APBA1: variants seen among roughly 807,000 people sequenced by gnomAD.
APBA1 encodes the protein amyloid-beta A4 precursor protein-binding family A member 1.
APBA1 carries 55 observed loss-of-function variants against 86.6 expected under a neutral mutation model. The observed-to-expected ratio is 0.64, with a 90% CI of 0.51 to 0.80. The LOEUF (loss-of-function observed/expected upper bound fraction) is 0.80. Ranked by LOEUF, APBA1 falls within the 30% of genes least tolerant of loss-of-function variation. The pLI is 0.00. For missense variants in APBA1, 1,090 were observed against 1,183.0 expected, an observed-to-expected ratio of 0.92 and a Z score of 1.15; for synonymous variants, 511 against 493.9, an observed-to-expected ratio of 1.03 and a Z score of -0.46.
rs576542775 is a variant in APBA1, at chr9:69,466,798, G to A, written c.1482+1025C>T. On this transcript the variant is annotated intron_variant, in intron 5 of 12. Transcript: ENST00000265381. ...TCCACGTTACCACACAAACACCAGG[G>A]TGCAACCTGGGAGTGTGTGAGAGAG... is the stretch of plus-strand genomic sequence containing the variant. Among the ~76,000 whole-genome samples the A allele has an allele frequency of 2.0e-5, 3 of 152,348 alleles. No individual in the cohort carries two copies. In the South Asian group the frequency reaches 6.2e-4, roughly 32 times the overall value.
chr9:69,456,181 C>A, intron 8 of APBA1, 66 bp downstream of exon 8: 1 of 1,539,386 alleles, frequency 6.5e-7, no homozygotes, highest in Non-Finnish European at 9.0e-7. Flanking sequence ...ATGAATTAGA[C>A]TGAATCAGGT....
chr9:69,541,900 A>G (rs1435127892), intron 1 of APBA1, among the ~76,000 whole-genome samples: 1 of 152,084 alleles, frequency 6.6e-6, no homozygotes, highest in African/African-American at 2.4e-5. Context: ...GTTATTTTTA[A>G]TTTTCTTTTT....
chr9:69,538,504 A>T (rs1384263551), intron 1 of APBA1, among the ~76,000 whole-genome samples: 1 of 152,158 alleles, frequency 6.6e-6, no homozygotes, highest in East Asian at 1.9e-4. Flanking sequence ...GGAGATGAGA[A>T]CTCAAGTGGC....
At chr9:69,506,211 GCAC>G (rs1223841849) in intron 2 of APBA1, among the ~76,000 whole-genome samples, 5 of 151,786 alleles carry the variant, frequency 3.3e-5, no homozygotes, top group Non-Finnish European at 7.4e-5. Flanking sequence ...GTGGGTGCGC[GCAC>G]CGTGCGCGAG....
chr9:69,630,904 C>A (rs1359245850), intron 1 of APBA1, among the ~76,000 whole-genome samples: 1 of 152,226 alleles, frequency 6.6e-6, no homozygotes, highest in African/African-American at 2.4e-5. Flanking sequence ...GGGGACACTA[C>A]AGTCAGTAAA....
intron 1 of APBA1, among the ~76,000 whole-genome samples, chr9:69,588,350 C>T (rs1199488675): frequency 6.6e-6 from 1 of 150,404 alleles, no homozygotes; most frequent in South Asian, 2.1e-4. Context: ...GTGCCTTGGA[C>T]CAGAGTGGTA....
chr9:69,632,346 CA>C (rs1823065820), intron 1 of APBA1, among the ~76,000 whole-genome samples: 1 of 152,110 alleles, frequency 6.6e-6, no homozygotes, highest in Admixed American at 6.6e-5. Flanking sequence ...TTCCCTCCCC[CA>C]AAGGTGTCTT....
At chr9:69,444,087 T>TC (rs1330120135) in intron 10 of APBA1, among the ~76,000 whole-genome samples, 1 of 151,888 alleles carries the variant, frequency 6.6e-6, no homozygotes, top group African/African-American at 2.4e-5. Flanking sequence ...CAGCATCTGC[T>TC]CCCCCCGTGC....
chr9:69,608,750 C>T (rs1822524951), intron 1 of APBA1, among the ~76,000 whole-genome samples: 1 of 152,170 alleles, frequency 6.6e-6, no homozygotes, highest in Non-Finnish European at 1.5e-5. Context: ...GGCACCCATA[C>T]TGAGAAGTTG....
chr9:69,622,597 A>G (rs1438523557), intron 1 of APBA1, among the ~76,000 whole-genome samples: 3 of 151,836 alleles, frequency 2.0e-5, no homozygotes, highest in Non-Finnish European at 4.4e-5. Flanking sequence ...AAAAAGAAAC[A>G]AAGAAAGAAA....
intron 2 of APBA1, among the ~76,000 whole-genome samples, chr9:69,483,313 G>T (rs1835553313): frequency 6.6e-6 from 1 of 152,030 alleles, no homozygotes; most frequent in African/African-American, 2.4e-5. Flanking sequence ...GCGTGGGGAG[G>T]TAAGTCCTGA....
At chr9:69,506,116 CAGA>C (rs1264061138) in intron 2 of APBA1, among the ~76,000 whole-genome samples, 17 of 152,000 alleles carry the variant, frequency 1.1e-4, no homozygotes, top group African/African-American at 2.7e-4. Flanking sequence ...GAGAGCGACA[CAGA>C]AGAAGACGGG....
rs575257828 is a variant in APBA1 at position 69,613,463 on chromosome 9, C to G, written c.-70+58690G>C. Among the ~76,000 whole-genome samples the G allele has an allele frequency of 2.0e-5, 3 of 152,194 alleles. No individual in the cohort carries two copies. The East Asian group carries it at 5.8e-4, about 29-fold the overall frequency. On this transcript the variant is annotated intron_variant, in intron 1 of 12. Transcript: ENST00000265381. ...CTCTTGAAGCTTTTCAGGTTCTTGTCTCGGAAGTTCCACTTTTGCTGTATC... is the reference window on the plus strand; with the variant it reads ...CTCTTGAAGCTTTTCAGGTTCTTGTGTCGGAAGTTCCACTTTTGCTGTATC...
At chr9:69,534,256 C>T (rs1421689929) in intron 1 of APBA1, among the ~76,000 whole-genome samples, 2 of 152,062 alleles carry the variant, frequency 1.3e-5, no homozygotes, top group Non-Finnish European at 2.9e-5. Context: ...TGAGTTCCTG[C>T]CCACCAAAAA....
chr9:69,522,042 G>C (rs572678913), intron 1 of APBA1, among the ~76,000 whole-genome samples: 1 of 148,666 alleles, frequency 6.7e-6, no homozygotes, highest in Non-Finnish European at 1.5e-5. Flanking sequence ...TTCTCTCTCC[G>C]TCTCACACAT....
At chr9:69,556,221 T>C (rs186483757) in intron 1 of APBA1, among the ~76,000 whole-genome samples, 33 of 152,284 alleles carry the variant, frequency 2.2e-4, no homozygotes, top group African/African-American at 7.2e-4. Flanking sequence ...CTCCCCACTT[T>C]ATATCAAGTG....
At chr9:69,571,587 A>G (rs1490065696) in intron 1 of APBA1, among the ~76,000 whole-genome samples, 2 of 152,186 alleles carry the variant, frequency 1.3e-5, no homozygotes, top group African/African-American at 4.8e-5. Flanking sequence ...GGATGGTAGG[A>G]TTACTTTTTA....
At chr9:69,486,731 C>A (rs563266956) in intron 2 of APBA1, among the ~76,000 whole-genome samples, 1 of 152,126 alleles carries the variant, frequency 6.6e-6, no homozygotes, top group South Asian at 2.1e-4. Context: ...ACAGCTCTGG[C>A]AGGTGAGAAA....
intron 1 of APBA1, among the ~76,000 whole-genome samples, chr9:69,602,263 A>G (rs1438206867): frequency 6.6e-6 from 1 of 152,166 alleles, no homozygotes; most frequent in Admixed American, 6.5e-5. Flanking sequence ...GCACATCTTC[A>G]TCACCTCCAA....
Sources: allele counts gnomAD v4.1 joint callset (sites outside exome capture counted in the v4.1 genomes callset), GRCh38; gene constraint gnomAD v4.1.1; transcripts MANE v1.5; gene names NCBI Gene and HGNC (gene_info 2026-07-23, HGNC 2026-07-21).